Variants in FRMD4A observed in about 807,000 individuals in gnomAD.
FRMD4A encodes FERM domain-containing protein 4A.
Under a neutral mutation model 129.1 loss-of-function variants are expected in FRMD4A, and 29 were observed. That is an observed-to-expected ratio of 0.22 (90% confidence interval 0.17 to 0.31). The LOEUF (loss-of-function observed/expected upper bound fraction) is 0.31, where lower values mean the gene tolerates loss of function less well. Among genes scored for constraint, FRMD4A ranks in the 10% least tolerant of loss-of-function variants. The probability of loss-of-function intolerance (pLI) is 1.00; values close to 1 mark genes in which losing one functional copy is unlikely to be tolerated. For synonymous variants in FRMD4A, 634 were observed against 571.6 expected (o/e 1.11, Z -1.56); for missense variants, 1,272 against 1,375.8 (o/e 0.92, Z 1.19).
At chr10:13,672,019 G>C (rs2083548236) in intron 16 of FRMD4A, among the ~76,000 whole-genome samples, 1 of 152,268 alleles carries the variant, frequency 6.6e-6, no homozygotes, top group African/African-American at 2.4e-5. Flanking sequence ...AATCATGAGA[G>C]TGTGATGCTG....
At chr10:13,990,217 A>G (rs1364035529) in intron 2 of FRMD4A, among the ~76,000 whole-genome samples, 1 of 152,242 alleles carries the variant, frequency 6.6e-6, no homozygotes, top group Non-Finnish European at 1.5e-5. Context: ...TAGATTAAGC[A>G]CATAGAAAGA....
In FRMD4A at chr10:13,645,207, C is replaced by T. The variant is rs1035328553; in HGVS notation, c.*1831G>A. ...AGAGCCTATGGTTATTCTTGGATTC[C>T]ACATACATGAAAAGCGAAGATTTTT... is the stretch of plus-strand genomic sequence containing the variant. On this transcript the variant is annotated 3_prime_UTR_variant, in exon 25 of 25. Coordinates refer to ENST00000357447, the MANE Select transcript of FRMD4A (RefSeq NM_018027.5). 9.9e-5 allele frequency: 15 copies of T among 152,264 alleles called. No homozygotes were observed. Among genetic ancestry groups the T allele is most frequent in the East Asian group, 5.8e-4 (3 of 5,180 alleles). 9.4% of individuals were successfully genotyped at this position (152,264 alleles called of 1,614,324 possible). A position where few individuals can be genotyped will look rare whatever the true frequency, so the allele number is the denominator to read the frequency against.
intron 2 of FRMD4A, among the ~76,000 whole-genome samples, chr10:13,901,627 A>G (rs949352757): frequency 1.3e-5 from 2 of 150,606 alleles, no homozygotes; most frequent in South Asian, 2.1e-4. Context: ...AAAAAAAAAG[A>G]ATGGAAAAGA....
chr10:14,092,744 C>T (rs748122012), intron 2 of FRMD4A, among the ~76,000 whole-genome samples: 18 of 152,236 alleles, frequency 1.2e-4, no homozygotes, highest in Non-Finnish European at 2.2e-4. Context: ...GGCTGGCACT[C>T]GAGGAGGGAG....
intron 2 of FRMD4A, among the ~76,000 whole-genome samples, chr10:14,020,147 G>A (rs542354884): frequency 1.6e-3 from 248 of 152,314 alleles, no homozygotes; most frequent in African/African-American, 5.8e-3. Flanking sequence ...TCTTGGCATT[G>A]GTGCAGGATC....
chr10:14,003,305 G>C (rs989188920), intron 2 of FRMD4A, among the ~76,000 whole-genome samples: 2 of 152,134 alleles, frequency 1.3e-5, no homozygotes, highest in Non-Finnish European at 2.9e-5. Context: ...GGTCTAGTTT[G>C]GGTTTTAGGA....
chr10:14,105,143 A>ATGGGTCATTTGAAGAGCTATAGGTCG (rs2131781927), intron 2 of FRMD4A, among the ~76,000 whole-genome samples: 1 of 152,310 alleles, frequency 6.6e-6, no homozygotes, highest in South Asian at 2.1e-4. Flanking sequence ...ACCATAAGAG[A>ATGGGTCATTTGAAGAGCTATAGGTCG]TGGGTCATTT....
intron 2 of FRMD4A, among the ~76,000 whole-genome samples, chr10:14,146,384 T>G (rs964515784): frequency 6.6e-6 from 1 of 152,214 alleles, no homozygotes; most frequent in Non-Finnish European, 1.5e-5. Context: ...TAGGATATGA[T>G]GTGATATAGT....
intron 2 of FRMD4A, among the ~76,000 whole-genome samples, chr10:14,134,027 T>A (rs1020511471): frequency 2.0e-5 from 3 of 152,206 alleles, no homozygotes; most frequent in African/African-American, 7.2e-5. Flanking sequence ...CCAGGCTGGG[T>A]TCTCCTCTTT....
intron 2 of FRMD4A, chr10:14,082,821 T>G (rs1836007367): frequency 6.6e-6 from 1 of 152,224 alleles, no homozygotes; most frequent in Non-Finnish European, 1.5e-5. Flanking sequence ...TGATCTGCAG[T>G]GCCCTCCAAA....
chr10:13,742,295 A>G (rs747704), intron 9 of FRMD4A, among the ~76,000 whole-genome samples: 2,077 of 152,276 alleles, frequency 0.014, 82 homozygotes, highest in South Asian at 0.12. Flanking sequence ...GGGCAGAGCC[A>G]ACCTGGGGAA....
At chr10:13,764,184 CGTGTGTGTGTGTGT>C (rs369852562) in intron 6 of FRMD4A, among the ~76,000 whole-genome samples, 39 of 141,696 alleles carry the variant, frequency 2.8e-4, no homozygotes, top group African/African-American at 1.0e-3. Context: ...CAAAGATTTC[CGTGTGTGTGTGTGT>C]GTGTGTGTGT....
chr10:14,055,156 T>C (rs1345362720), intron 2 of FRMD4A, among the ~76,000 whole-genome samples: 1 of 151,976 alleles, frequency 6.6e-6, no homozygotes, highest in African/African-American at 2.4e-5. Context: ...GTCTATATAC[T>C]CTGGACCTCT....
At chr10:14,246,530 C>T (rs543678056) in intron 2 of FRMD4A, among the ~76,000 whole-genome samples, 66 of 152,272 alleles carry the variant, frequency 4.3e-4, no homozygotes, top group African/African-American at 1.1e-3. Context: ...CACATGTGGA[C>T]GTATATGCAC....
At chr10:14,105,853 T>G (rs1050420282) in intron 2 of FRMD4A, among the ~76,000 whole-genome samples, 3 of 152,234 alleles carry the variant, frequency 2.0e-5, no homozygotes, top group African/African-American at 7.2e-5. Flanking sequence ...CTCTGTGGTG[T>G]TGTTTATCAT....
chr10:14,298,534 T>C (rs748337843), intron 2 of FRMD4A, among the ~76,000 whole-genome samples: 10 of 152,206 alleles, frequency 6.6e-5, no homozygotes, highest in Non-Finnish European at 1.0e-4. Flanking sequence ...TGCCTGCTTC[T>C]GTGTGTTTTC....
At chr10:14,194,648 C>A (rs1210295945) in intron 2 of FRMD4A, among the ~76,000 whole-genome samples, 1 of 152,148 alleles carries the variant, frequency 6.6e-6, no homozygotes, top group Non-Finnish European at 1.5e-5. Context: ...AGGAGCATTC[C>A]TACTTCCTGC....
chr10:13,809,350 T>C (rs868672222), intron 4 of FRMD4A, among the ~76,000 whole-genome samples: 5 of 152,312 alleles, frequency 3.3e-5, no homozygotes, highest in African/African-American at 1.2e-4. Flanking sequence ...ACGTGGGAAA[T>C]GTGAACAATG....
At chr10:13,675,144 AC>A in intron 15 of FRMD4A, 100 bp from the exon 16 acceptor site, 3 of 1,094,098 alleles carry the variant, frequency 2.7e-6, no homozygotes, top group Non-Finnish European at 4.1e-6. Context: ...GATGGGATTT[AC>A]CCCAGGAATC....
Sources: allele counts gnomAD v4.1 joint callset (sites outside exome capture counted in the v4.1 genomes callset), GRCh38; gene constraint gnomAD v4.1.1; transcripts MANE v1.5; gene names NCBI Gene and HGNC (gene_info 2026-07-23, HGNC 2026-07-21).